POLD3: variants seen among roughly 807,000 people sequenced by gnomAD.
The protein encoded by POLD3 is DNA polymerase delta subunit 3.
In POLD3, 19 loss-of-function variants were observed where a neutral mutation model predicts 58.2. The observed-to-expected ratio is 0.33, with a 90% CI of 0.23 to 0.48. The LOEUF is 0.48. POLD3 is among the 20% of genes least tolerant of loss of function. The probability of loss-of-function intolerance (pLI) is 0.99; values close to 1 mark genes in which losing one functional copy is unlikely to be tolerated. For missense variants in POLD3, 504 were observed against 545.5 expected, an observed-to-expected ratio of 0.92 and a Z score of 0.76; for synonymous variants, 172 against 193.5, an observed-to-expected ratio of 0.89 and a Z score of 0.92.
At chr11:74,603,878 T>A (rs2031587508) in intron 2 of POLD3, among the ~76,000 whole-genome samples, 1 of 152,208 alleles carries the variant, frequency 6.6e-6, no homozygotes, top group Non-Finnish European at 1.5e-5. Flanking sequence ...TTTGTTGTTT[T>A]TAAACTAGAT....
chr11:74,646,805 T>A (rs1038533776), downstream of POLD3, among the ~76,000 whole-genome samples: 5 of 152,192 alleles, frequency 3.3e-5, no homozygotes, highest in African/African-American at 1.2e-4. Context: ...GTTCTCCACT[T>A]TGAATGTCAG....
intron 4 of POLD3, among the ~76,000 whole-genome samples, chr11:74,662,083 T>C (rs2033212954): frequency 6.6e-6 from 1 of 152,146 alleles, no homozygotes; most frequent in Admixed American, 6.5e-5. Context: ...TTCAGAGCAG[T>C]GGGCTCCTCT....
intron 3 of POLD3, among the ~76,000 whole-genome samples, chr11:74,608,083 T>C (rs1010256316): frequency 6.6e-6 from 1 of 152,220 alleles, no homozygotes; most frequent in African/African-American, 2.4e-5. Flanking sequence ...GTCAACCTGA[T>C]CTATGCTTTA....
intron 11 of POLD3, among the ~76,000 whole-genome samples, chr11:74,638,891 A>AAT (rs2032832238): frequency 6.6e-6 from 1 of 152,192 alleles, no homozygotes; most frequent in Non-Finnish European, 1.5e-5. Flanking sequence ...CAGAATACTT[A>AAT]ATATATATCT....
chr11:74,666,084 A>G (rs953070793), intron 4 of POLD3, among the ~76,000 whole-genome samples: 1 of 152,274 alleles, frequency 6.6e-6, no homozygotes, highest in African/African-American at 2.4e-5. Flanking sequence ...ATGTACAAAC[A>G]TCAATTATAT....
intron 2 of POLD3, among the ~76,000 whole-genome samples, chr11:74,598,287 T>C (rs991069139): frequency 1.3e-5 from 2 of 152,140 alleles, no homozygotes; most frequent in African/African-American, 4.8e-5. Flanking sequence ...TCCAGCATCA[T>C]TTTTTTGCAC....
chr11:74,610,454 C>G (rs558507545), intron 3 of POLD3, among the ~76,000 whole-genome samples: 1 of 152,286 alleles, frequency 6.6e-6, no homozygotes, highest in South Asian at 2.1e-4. Flanking sequence ...CGTGATCTGC[C>G]TGCCTCGGCC....
intron 4 of POLD3, among the ~76,000 whole-genome samples, chr11:74,655,235 G>A (rs2033118376): frequency 6.6e-6 from 1 of 152,238 alleles, no homozygotes; most frequent in African/African-American, 2.4e-5. Context: ...ACTGACATGG[G>A]CGTAAGCCCT....
At chr11:74,664,950 C>T (rs1339331915) in intron 4 of POLD3, among the ~76,000 whole-genome samples, 1 of 151,588 alleles carries the variant, frequency 6.6e-6, no homozygotes, top group East Asian at 1.9e-4. Flanking sequence ...AAATACAAAA[C>T]TTAGCCAGAC....
intron 8 of POLD3, among the ~76,000 whole-genome samples, chr11:74,625,871 T>TTGTGTGTGTGTCTG (rs1554976811): frequency 7.0e-6 from 1 of 143,574 alleles, no homozygotes; most frequent in African/African-American, 2.6e-5. Context: ...GTGTGCCTAG[T>TTGTGTGTGTGTCTG]TGTGTGTGTG....
chr11:74,643,045 T>A lies in POLD3; in HGVS notation c.*2279T>A. The A allele has an allele frequency of 1.9e-6, 1 of 530,358 alleles. No homozygotes were observed. The highest frequency in any genetic ancestry group is 2.4e-6 in the Non-Finnish European group (1 of 414,412). 32.9% of individuals were successfully genotyped at this position (530,358 alleles called of 1,614,324 possible). ...CTCAAGTTCTTTATCAAAATAAAACTAAAATGAGTTACCAAGGGTGTCAAG... is the reference window on the plus strand; with the variant it reads ...CTCAAGTTCTTTATCAAAATAAAACAAAAATGAGTTACCAAGGGTGTCAAG... On this transcript the variant is annotated 3_prime_UTR_variant, in exon 12 of 12. Coordinates refer to ENST00000263681, the MANE Select transcript of POLD3 (RefSeq NM_006591.3).
intron 3 of POLD3, among the ~76,000 whole-genome samples, chr11:74,607,574 A>AT (rs1043929047): frequency 6.7e-6 from 1 of 149,792 alleles, no homozygotes; most frequent in African/African-American, 2.5e-5. Context: ...ACTTATTTTT[A>AT]TTTTTTATTT....
At chr11:74,607,244 A>ATATATT (rs1554974455) in intron 3 of POLD3, among the ~76,000 whole-genome samples, 1 of 123,434 alleles carries the variant, frequency 8.1e-6, no homozygotes, top group African/African-American at 3.8e-5. Context: ...TTATTATTAT[A>ATATATT]TATTTATTTA....
chr11:74,646,164 G>A (rs4288777), downstream of POLD3, among the ~76,000 whole-genome samples: 17,058 of 152,008 alleles, frequency 0.11, 1,296 homozygotes, highest in Non-Finnish European at 0.17. Flanking sequence ...GTAGAGACGG[G>A]GTTTCACCAC....
chr11:74,643,093 A>T (rs1565131092), downstream of POLD3: 1 of 219,218 alleles, frequency 4.6e-6, no homozygotes, highest in Non-Finnish European at 7.7e-6. Context: ...TGTATGTAGC[A>T]TGAATTCGGT....
intron 2 of POLD3, among the ~76,000 whole-genome samples, chr11:74,603,398 G>C (rs187890820): frequency 6.6e-6 from 1 of 152,178 alleles, no homozygotes; most frequent in African/African-American, 2.4e-5. Flanking sequence ...ATGACTCCCA[G>C]ATTTCTGGCT....
At position 74,636,274 on chromosome 11, in the gene POLD3, AGGT is replaced by A. The variant is rs749671062; in HGVS notation, c.1198_1198+2del. The A allele has an allele frequency of 6.2e-7, 1 of 1,612,398 alleles. No homozygotes were observed. The highest frequency in any genetic ancestry group is 1.1e-5 in the South Asian group (1 of 90,794). ...CTTACCTGGATGGGGAAGGCTGCAT[AGGT>A]AAGACAAATATTTGGCTCCAAATCC... On this transcript the variant is annotated splice_donor_variant and coding_sequence_variant, in exon 11 of 12. Transcript: ENST00000263681. LOFTEE classifies it high-confidence loss of function.
chr11:74,609,821 T>C (rs2064688112), intron 3 of POLD3, among the ~76,000 whole-genome samples: 1 of 152,204 alleles, frequency 6.6e-6, no homozygotes, highest in South Asian at 2.1e-4. Context: ...ACAGCAGTTA[T>C]AGAAATATTC....
chr11:74,644,665 C>T (rs113768522), downstream of POLD3, among the ~76,000 whole-genome samples: 11 of 152,300 alleles, frequency 7.2e-5, no homozygotes, highest in South Asian at 2.1e-4. Context: ...GATCAGAATC[C>T]ACCTTAACTC....
Sources: gnomAD v4.1 joint callset for allele counts (sites outside exome capture counted in the v4.1 genomes callset) on GRCh38, gnomAD v4.1.1 for gene constraint, MANE v1.5 for transcripts, NCBI Gene and HGNC (gene_info 2026-07-23, HGNC 2026-07-21) for gene names.